ANGPT1: variants seen among roughly 807,000 people sequenced by gnomAD.
ANGPT1 encodes angiopoietin 1.
A neutral mutation model predicts 62.2 loss-of-function variants in ANGPT1; 17 were observed. The observed-to-expected ratio is 0.27, with a 90% CI of 0.19 to 0.41. ANGPT1 has a LOEUF of 0.41. Ranked by LOEUF, ANGPT1 falls within the 10% of genes least tolerant of loss-of-function variation. ANGPT1 has a pLI of 1.00. For synonymous variants in ANGPT1, 199 were observed against 198.9 expected, an observed-to-expected ratio of 1.00 and a Z score of 0.00; for missense variants, 478 against 594.9, an observed-to-expected ratio of 0.80 and a Z score of 2.04.
intron 6 of ANGPT1, among the ~76,000 whole-genome samples, chr8:107,285,099 T>C (rs1416310914): frequency 6.6e-6 from 1 of 152,178 alleles, no homozygotes; most frequent in Non-Finnish European, 1.5e-5. Context: ...AGACATTTTG[T>C]ATAAAATAAA....
intron 1 of ANGPT1, among the ~76,000 whole-genome samples, chr8:107,460,581 C>T (rs149968489): frequency 6.6e-6 from 1 of 152,112 alleles, no homozygotes; most frequent in African/African-American, 2.4e-5. Context: ...CTGTGTAAAT[C>T]CCTGCTGCAA....
rs1813209854 is a variant in ANGPT1, at chr8:107,249,852, G to A, written c.*2003C>T. 1 of 152,202 alleles carries A rather than the reference G, an allele frequency of 6.6e-6. No homozygotes were observed. The highest frequency in any genetic ancestry group is 2.4e-5 in the African/African-American group (1 of 41,324). The allele number at this position is 152,202 out of a possible 1,614,324, so 9.4% of individuals were successfully genotyped here. ...AAACTGGTTTAAGAAAGTGTCTGTA[G>A]GAACACAAAAGGACAAAATACTCAT... On this transcript the variant is annotated 3_prime_UTR_variant, in exon 9 of 9. Coordinates refer to ENST00000517746, the MANE Select transcript of ANGPT1 (RefSeq NM_001146.5).
At chr8:107,297,746 T>C (rs1201756967) in intron 5 of ANGPT1, among the ~76,000 whole-genome samples, 1 of 146,872 alleles carries the variant, frequency 6.8e-6, no homozygotes, top group East Asian at 2.1e-4. Context: ...ATATGTATTA[T>C]GTATGCATAT....
chr8:107,265,372 G>A (rs1486527505), intron 7 of ANGPT1, among the ~76,000 whole-genome samples: 1 of 152,188 alleles, frequency 6.6e-6, no homozygotes, highest in Non-Finnish European at 1.5e-5. Context: ...GTAGTGACCT[G>A]TCTGATGTCT....
chr8:107,363,665 C>A (rs1006542285), intron 1 of ANGPT1, among the ~76,000 whole-genome samples: 6 of 151,938 alleles, frequency 3.9e-5, no homozygotes, highest in Non-Finnish European at 8.8e-5. Flanking sequence ...ATAAATATAC[C>A]TAAATTGAAA....
At chr8:107,429,668 AAGTCGAC>A (rs1414046737) in intron 1 of ANGPT1, among the ~76,000 whole-genome samples, 1 of 128,154 alleles carries the variant, frequency 7.8e-6, no homozygotes, top group Non-Finnish European at 1.7e-5. Context: ...AAAAAAAAAA[AAGTCGAC>A]TCTGCTGGGT....
At chr8:107,358,836 G>A (rs1043045449) in intron 1 of ANGPT1, among the ~76,000 whole-genome samples, 1 of 152,140 alleles carries the variant, frequency 6.6e-6, no homozygotes, top group East Asian at 1.9e-4. Context: ...AGACCAGAAA[G>A]CTGCCATACC....
chr8:107,373,441 C>G (rs1816457799), intron 1 of ANGPT1, among the ~76,000 whole-genome samples: 1 of 152,036 alleles, frequency 6.6e-6, no homozygotes, highest in South Asian at 2.1e-4. Context: ...ATACAATTGA[C>G]CACTCTGGAA....
intron 8 of ANGPT1, among the ~76,000 whole-genome samples, chr8:107,258,639 T>C (rs1054729834): frequency 6.6e-6 from 1 of 152,118 alleles, no homozygotes; most frequent in African/African-American, 2.4e-5. Flanking sequence ...CCCGAGAAAA[T>C]AGGAATGTAA....
chr8:107,459,072 A>G (rs918635207), intron 1 of ANGPT1, among the ~76,000 whole-genome samples: 3 of 152,254 alleles, frequency 2.0e-5, no homozygotes, highest in Admixed American at 2.0e-4. Context: ...AAGGGCTGAC[A>G]GGTATAACTC....
intron 2 of ANGPT1, among the ~76,000 whole-genome samples, chr8:107,337,896 G>C (rs1815603975): frequency 6.6e-6 from 1 of 151,900 alleles, no homozygotes; most frequent in Non-Finnish European, 1.5e-5. Context: ...GGAGTTCAAG[G>C]CCAGCCTGGG....
intron 1 of ANGPT1, among the ~76,000 whole-genome samples, chr8:107,389,703 A>T (rs1366055010): frequency 6.6e-6 from 1 of 152,218 alleles, no homozygotes; most frequent in African/African-American, 2.4e-5. Context: ...TGTGCAAAAG[A>T]GTAGGTTTGT....
chr8:107,314,195 G>T (rs1020066881), intron 4 of ANGPT1, among the ~76,000 whole-genome samples: 7 of 152,184 alleles, frequency 4.6e-5, no homozygotes, highest in African/African-American at 1.7e-4. Flanking sequence ...AAGGGAAGAA[G>T]GATGGAGTTT....
intron 3 of ANGPT1, among the ~76,000 whole-genome samples, chr8:107,335,531 CTGAAA>C (rs1169845411): frequency 6.6e-6 from 1 of 152,170 alleles, no homozygotes; most frequent in Non-Finnish European, 1.5e-5. Flanking sequence ...ATTCAATCAA[CTGAAA>C]TGATTCATAA....
In ANGPT1 at chr8:107,457,453, A is replaced by G. The variant is rs374269640; in HGVS notation, c.297+39809T>C. Among the ~76,000 whole-genome samples the G allele has an allele frequency of 7.9e-5, 12 of 152,194 alleles. No homozygotes were observed. In the South Asian group the frequency reaches 2.1e-3, roughly 26 times the overall value. On this transcript the variant is annotated intron_variant, in intron 1 of 8. Transcript: ENST00000517746. ...ACATCAGTGGAATAAATTATAATAA[A>G]GATTATCAGTTAACTTAGCTTTCCA...
chr8:107,281,943 T>C (rs888726385), intron 7 of ANGPT1, among the ~76,000 whole-genome samples: 3 of 151,594 alleles, frequency 2.0e-5, no homozygotes, highest in African/African-American at 7.3e-5. Context: ...GAGACATGAA[T>C]GGACAAAAAG....
chr8:107,317,717 G>T (rs930696048), intron 4 of ANGPT1, among the ~76,000 whole-genome samples: 1 of 150,740 alleles, frequency 6.6e-6, no homozygotes, highest in Non-Finnish European at 1.5e-5. Context: ...TGCAACCTTC[G>T]CCTCCTGGGT....
At chr8:107,447,576 C>T (rs1289163847) in intron 1 of ANGPT1, among the ~76,000 whole-genome samples, 1 of 152,216 alleles carries the variant, frequency 6.6e-6, no homozygotes, top group Non-Finnish European at 1.5e-5. Context: ...TTCACATCCT[C>T]ATTTTCTTCC....
intron 1 of ANGPT1, among the ~76,000 whole-genome samples, chr8:107,416,637 G>A (rs371190305): frequency 6.6e-6 from 1 of 151,992 alleles, no homozygotes; most frequent in African/African-American, 2.4e-5. Context: ...GGACAAAAAG[G>A]GTATAATCTA....
Sources: gnomAD v4.1 joint callset for allele counts (sites outside exome capture counted in the v4.1 genomes callset) on GRCh38, gnomAD v4.1.1 for gene constraint, MANE v1.5 for transcripts, NCBI Gene and HGNC (gene_info 2026-07-23, HGNC 2026-07-21) for gene names.